Variants in ARHGAP42 observed in about 807,000 individuals in gnomAD.
ARHGAP42 encodes rho GTPase-activating protein 42.
In ARHGAP42, 63 loss-of-function variants were observed where a neutral mutation model predicts 125.0. That is an observed-to-expected ratio of 0.50 (90% CI 0.41 to 0.62). ARHGAP42 has a LOEUF of 0.62. Ranked by LOEUF, ARHGAP42 falls within the 20% of genes least tolerant of loss-of-function variation. The probability of loss-of-function intolerance (pLI) is 0.00; values close to 1 mark genes in which losing one functional copy is unlikely to be tolerated. For synonymous variants in ARHGAP42, 339 were observed against 351.0 expected (o/e 0.97, Z 0.38); for missense variants, 766 against 1,024.2 (o/e 0.75, Z 3.44).
At position 100,970,700 on chromosome 11, in the gene ARHGAP42, G is replaced by A. The variant is rs186937976; in HGVS notation, c.1551-2475G>A. ...AGAGTCAGAGTTTTCTGTTCTTATG[G>A]ACTCTACCCCCTCTGGGTAAAATCT... On this transcript the variant is annotated intron_variant, in intron 17 of 23. Coordinates refer to ENST00000298815, the MANE Select transcript of ARHGAP42 (RefSeq NM_152432.4). Among the ~76,000 whole-genome samples the A allele has an allele frequency of 1.4e-3, 215 of 152,136 alleles. 5 individuals are homozygous for A. The highest frequency in any genetic ancestry group is 0.013 in the Admixed American group (205 of 15,290).
At chr11:100,860,766 T>A (rs1011416101) in intron 4 of ARHGAP42, among the ~76,000 whole-genome samples, 3 of 152,156 alleles carry the variant, frequency 2.0e-5, no homozygotes. Flanking sequence ...TTTACACATA[T>A]TCCCCATAAG....
Position 100,779,528 on chromosome 11 carries a change from G to GTATACATA in ARHGAP42, c.250+9090_250+9091insTATACATA, listed in dbSNP as rs1565210609. Among the ~76,000 whole-genome samples, 49 of 86,274 alleles carry GTATACATA rather than the reference G, an allele frequency of 5.7e-4. 4 individuals are homozygous for GTATACATA. The highest frequency in any genetic ancestry group is 1.8e-3 in the African/African-American group (47 of 25,930). The allele number at this position is 86,274 out of a possible 152,430, so 56.6% of individuals were successfully genotyped here. The stretch of plus-strand genomic sequence containing the variant: ...TACACGTATATATATACGTATACAT[G>GTATACATA]CGTATATATACGTATATATATACAT... On this transcript the variant is annotated intron_variant, in intron 2 of 23. Transcript: ENST00000298815.
intron 22 of ARHGAP42, 108 bp downstream of exon 22, chr11:100,979,157 G>A (rs745957097): frequency 2.0e-5 from 22 of 1,113,270 alleles, no homozygotes; most frequent in Non-Finnish European, 2.5e-5. Flanking sequence ...TATGCAGATG[G>A]TCAAATTTAA....
At chr11:100,838,057 C>T (rs890455479) in intron 3 of ARHGAP42, among the ~76,000 whole-genome samples, 1 of 151,530 alleles carries the variant, frequency 6.6e-6, no homozygotes, top group Admixed American at 6.6e-5. Context: ...GCCTCAGTTC[C>T]TGAGTCTGTC....
At chr11:100,902,897 G>A (rs1866590443) in intron 4 of ARHGAP42, among the ~76,000 whole-genome samples, 1 of 152,090 alleles carries the variant, frequency 6.6e-6, no homozygotes, top group Non-Finnish European at 1.5e-5. Flanking sequence ...GATCAATTAT[G>A]GGAATGACGT....
At chr11:100,878,511 C>A (rs1260372108) in intron 4 of ARHGAP42, among the ~76,000 whole-genome samples, 2 of 152,068 alleles carry the variant, frequency 1.3e-5, no homozygotes, top group African/African-American at 4.8e-5. Flanking sequence ...CTCCCAGGGA[C>A]CTGCTTTAAA....
chr11:100,951,341 A>G (rs1857645345), intron 12 of ARHGAP42, among the ~76,000 whole-genome samples: 2 of 152,292 alleles, frequency 1.3e-5, no homozygotes, highest in East Asian at 1.9e-4. Context: ...GCCAACTTTT[A>G]TCTAATCACA....
chr11:100,955,248 T>C (rs1418985570), intron 12 of ARHGAP42, among the ~76,000 whole-genome samples: 3 of 152,170 alleles, frequency 2.0e-5, no homozygotes, highest in Admixed American at 2.0e-4. Flanking sequence ...AAAAAAAAGG[T>C]TTAGGCTTAA....
At chr11:100,926,794 C>T (rs1042843241) in intron 6 of ARHGAP42, among the ~76,000 whole-genome samples, 1 of 152,174 alleles carries the variant, frequency 6.6e-6, no homozygotes, top group Non-Finnish European at 1.5e-5. Flanking sequence ...ACTATGATTG[C>T]TAGATATGAA....
intron 4 of ARHGAP42, among the ~76,000 whole-genome samples, chr11:100,863,442 T>G (rs921102236): frequency 6.6e-6 from 1 of 152,208 alleles, no homozygotes; most frequent in Admixed American, 6.5e-5. Context: ...AACAACCAGA[T>G]GATACTACTT....
intron 2 of ARHGAP42, among the ~76,000 whole-genome samples, chr11:100,786,286 G>A (rs1283474424): frequency 6.6e-6 from 1 of 152,156 alleles, no homozygotes; most frequent in Non-Finnish European, 1.5e-5. Context: ...CAAAATATGT[G>A]ACTTGATGAC....
At chr11:100,732,063 A>G (rs1369052319) in intron 1 of ARHGAP42, among the ~76,000 whole-genome samples, 1 of 151,808 alleles carries the variant, frequency 6.6e-6, no homozygotes, top group Non-Finnish European at 1.5e-5. Flanking sequence ...GGTTCAAGAA[A>G]TTCTCCTGCC....
At chr11:100,902,391 C>A (rs1209217817) in intron 4 of ARHGAP42, among the ~76,000 whole-genome samples, 2 of 152,096 alleles carry the variant, frequency 1.3e-5, no homozygotes, top group African/African-American at 4.8e-5. Flanking sequence ...TAAGCCTAAT[C>A]TTCCAGAAAT....
intron 17 of ARHGAP42, among the ~76,000 whole-genome samples, chr11:100,966,450 G>A (rs1858097128): frequency 1.3e-5 from 2 of 152,130 alleles, no homozygotes; most frequent in Non-Finnish European, 2.9e-5. Context: ...AAGAGTTGAT[G>A]TTGAAGCTTG....
At chr11:100,950,644 C>T (rs1857629013) in intron 12 of ARHGAP42, among the ~76,000 whole-genome samples, 2 of 151,898 alleles carry the variant, frequency 1.3e-5, no homozygotes, top group Admixed American at 6.6e-5. Context: ...TCTTTAATTA[C>T]CTGCCAACTT....
chr11:100,743,241 T>C (rs150110607), intron 1 of ARHGAP42, among the ~76,000 whole-genome samples: 109 of 152,302 alleles, frequency 7.2e-4, no homozygotes, highest in African/African-American at 2.5e-3. Flanking sequence ...CCTTTTAGCA[T>C]TTCTTGTATG....
At chr11:100,920,432 T>C (rs573890430) in intron 5 of ARHGAP42, among the ~76,000 whole-genome samples, 9 of 152,306 alleles carry the variant, frequency 5.9e-5, no homozygotes, top group African/African-American at 1.7e-4. Flanking sequence ...TCTTTTTTTT[T>C]CAAAAATTTT....
intron 1 of ARHGAP42, among the ~76,000 whole-genome samples, chr11:100,694,890 G>A (rs1388796684): frequency 6.6e-6 from 1 of 152,220 alleles, no homozygotes; most frequent in African/African-American, 2.4e-5. Flanking sequence ...AGTTAGCCAG[G>A]CATGGTTGTG....
At chr11:100,981,661 C>A (rs531314552) in intron 22 of ARHGAP42, among the ~76,000 whole-genome samples, 1 of 152,292 alleles carries the variant, frequency 6.6e-6, no homozygotes, top group East Asian at 1.9e-4. Context: ...CAGAACAGAT[C>A]ATTTTCCAGC....
Sources: allele counts gnomAD v4.1 joint callset (sites outside exome capture counted in the v4.1 genomes callset), GRCh38; gene constraint gnomAD v4.1.1; transcripts MANE v1.5; gene names NCBI Gene and HGNC (gene_info 2026-07-23, HGNC 2026-07-21).